The following ACBD5 variants were observed in gnomAD, a reference collection of about 807,000 sequenced individuals.
ACBD5 encodes acyl-CoA-binding domain-containing protein 5.
ACBD5 carries 40 observed loss-of-function variants against 71.8 expected under a neutral mutation model. The observed-to-expected ratio is 0.56, with a 90% CI of 0.43 to 0.72. The LOEUF (loss-of-function observed/expected upper bound fraction) is 0.72, where lower values mean the gene tolerates loss of function less well. Ranked by LOEUF, ACBD5 falls within the 30% of genes least tolerant of loss-of-function variation. The pLI is 0.00. For missense variants in ACBD5, 559 were observed against 644.5 expected (o/e 0.87, Z 1.44); for synonymous variants, 229 against 218.6 (o/e 1.05, Z -0.42).
chr10:27,203,116 A>G (rs1172837355), intron 12 of ACBD5, among the ~76,000 whole-genome samples: 1 of 151,536 alleles, frequency 6.6e-6, no homozygotes, highest in East Asian at 1.9e-4. Flanking sequence ...CTGGGACTAG[A>G]GGTGTGCACC....
intron 6 of ACBD5, among the ~76,000 whole-genome samples, chr10:27,218,522 G>C (rs1408592171): frequency 6.6e-6 from 1 of 152,000 alleles, no homozygotes; most frequent in Non-Finnish European, 1.5e-5. Flanking sequence ...CTGATAAAAA[G>C]GATCCTTAAA....
intron 8 of ACBD5, among the ~76,000 whole-genome samples, chr10:27,213,864 A>G (rs2061361411): frequency 6.6e-6 from 1 of 152,030 alleles, no homozygotes; most frequent in East Asian, 1.9e-4. Context: ...AGATATCAGC[A>G]CTCCCATGTT....
chr10:27,224,177 G>A (rs10829216), intron 4 of ACBD5, among the ~76,000 whole-genome samples: 9,921 of 149,230 alleles, frequency 0.066, 636 homozygotes, highest in African/African-American at 0.16. Context: ...ACTTGCCTGG[G>A]CAACATAGTA....
intron 7 of ACBD5, among the ~76,000 whole-genome samples, chr10:27,216,575 CT>C (rs1361898744): frequency 1.3e-5 from 2 of 152,184 alleles, no homozygotes; most frequent in East Asian, 1.9e-4. Context: ...TGTGCCTGAC[CT>C]TTGTTCCATT....
In ACBD5 at chr10:27,231,741, T is replaced by C. The variant is rs761658477; in HGVS notation, c.375+7A>G. 3 of 1,613,406 alleles carry C rather than the reference T, an allele frequency of 1.9e-6. No homozygotes were observed. Among genetic ancestry groups the C allele is most frequent in the Non-Finnish European group, 1.7e-6 (2 of 1,179,650 alleles). The stretch of plus-strand genomic sequence containing the variant: ...TTTTCATTTTAACTGTGAATTATTT[T>C]CCCTACCTTTTTCATTTCTTCAACA... On this transcript the variant is annotated splice_region_variant and intron_variant, in intron 4 of 12. Coordinates refer to ENST00000396271, the MANE Select transcript of ACBD5 (RefSeq NM_145698.5).
chr10:27,183,188 C>T (rs2058427017), intron 13 of ACBD5, among the ~76,000 whole-genome samples: 1 of 152,134 alleles, frequency 6.6e-6, no homozygotes, highest in South Asian at 2.1e-4. Flanking sequence ...ATATACCACT[C>T]AGTAGTTTTC....
intron 13 of ACBD5, among the ~76,000 whole-genome samples, chr10:27,183,273 T>C (rs1275740140): frequency 4.5e-5 from 1 of 22,392 alleles, no homozygotes; most frequent in African/African-American, 5.8e-5. Flanking sequence ...AATTCTTTTG[T>C]TGTTGTTGTT....
In ACBD5 at chr10:27,233,783, G is replaced by A. The variant is rs1348574173; in HGVS notation, c.302+1309C>T. 2.6e-5 allele frequency among the ~76,000 whole-genome samples: 4 copies of A among 152,258 alleles called. No individual in the cohort carries two copies. In the East Asian group the frequency reaches 5.8e-4, roughly 22 times the overall value. ...GGGGCGGGAGCGGGGGGTGGCTCAC[G>A]CCTATAATCCCACCACTTTGGGAGG... On this transcript the variant is annotated intron_variant, in intron 3 of 12. Coordinates refer to ENST00000396271, the MANE Select transcript of ACBD5 (RefSeq NM_145698.5).
At chr10:27,235,592 T>G (rs1302963346) in intron 2 of ACBD5, among the ~76,000 whole-genome samples, 1 of 152,214 alleles carries the variant, frequency 6.6e-6, no homozygotes, top group African/African-American at 2.4e-5. Context: ...AAATCAAAAC[T>G]GACTAGTGTA....
chr10:27,205,044 G>A (rs998013856), intron 11 of ACBD5, among the ~76,000 whole-genome samples, 154 bp downstream of exon 11: 12 of 152,050 alleles, frequency 7.9e-5, no homozygotes, highest in South Asian at 4.2e-4. Context: ...GGAGAATGGC[G>A]TGAACCCAGG....
chr10:27,228,815 A>ATATTTTTTTTTTTTTTTT (rs1554856598), intron 4 of ACBD5, among the ~76,000 whole-genome samples: 3 of 20,362 alleles, frequency 1.5e-4, no homozygotes, highest in Non-Finnish European at 3.8e-4. Context: ...ATATATATAT[A>ATATTTTTTTTTTTTTTTT]TTTTTTTTTT....
At position 27,210,970 on chromosome 10, in the gene ACBD5, C is replaced by T; in HGVS notation, c.1048G>A (p.Gly350Arg). 6.2e-7 allele frequency: 1 copy of T among 1,614,092 alleles called. No individual in the cohort carries two copies. The highest frequency in any genetic ancestry group is 8.5e-7 in the Non-Finnish European group (1 of 1,180,032). The stretch of plus-strand genomic sequence containing the variant: ...TGCATATTCCCAATGTTGCCATTTC[C>T]AGGAGGTACTTGAATATCTTCACGA... ...GFREDIQVPP[G>R]NGNIGNMQVV... Residue 350 changes from glycine to arginine, a missense_variant, in exon 9 of 13, where the codon GGA becomes AGA. Coordinates refer to ENST00000396271, the MANE Select transcript of ACBD5 (RefSeq NM_145698.5).
Position 27,196,686 on chromosome 10 carries a change from A to G in ACBD5, c.*744T>C. 1 of 454,544 alleles carries G rather than the reference A, an allele frequency of 2.2e-6. No homozygotes were observed. Among genetic ancestry groups the G allele is most frequent in the Non-Finnish European group, 4.4e-6 (1 of 226,782 alleles). 28.2% of individuals were successfully genotyped at this position (454,544 alleles called of 1,614,324 possible). On this transcript the variant is annotated 3_prime_UTR_variant, in exon 13 of 13. Transcript: ENST00000396271. ...ACAAAGGAATACATTTATATGATTG[A>G]ATAAAAACCTGATTAATCATCTACA... is the stretch of plus-strand genomic sequence containing the variant.
chr10:27,232,307 T>C (rs914542782), intron 3 of ACBD5: 1 of 150,652 alleles, frequency 6.6e-6, no homozygotes, highest in African/African-American at 2.5e-5. Context: ...CTAAAAGAGC[T>C]GTAACACTCA....
intron 11 of ACBD5, 30 bp downstream of exon 11, chr10:27,205,168 G>A (rs780474898): frequency 1.3e-6 from 2 of 1,595,610 alleles, no homozygotes; most frequent in South Asian, 1.1e-5. Context: ...ATGAAACCCT[G>A]GCATTTAAAT....
intron 5 of ACBD5, chr10:27,223,063 TATA>T (rs2062557194): frequency 3.1e-6 from 2 of 641,168 alleles, no homozygotes; most frequent in South Asian, 1.9e-5. Context: ...TTTAAGGGTT[TATA>T]ATGTTTTGGA....
At chr10:27,224,464 C>T (rs2062756264) in intron 4 of ACBD5, among the ~76,000 whole-genome samples, 2 of 152,218 alleles carry the variant, frequency 1.3e-5, no homozygotes, top group South Asian at 2.1e-4. Flanking sequence ...ATTATGATGT[C>T]TGTTCTTTAA....
rs1343801167 is a variant in ACBD5 at position 27,240,116 on chromosome 10, G to T, written c.181+203C>A. Among the ~76,000 whole-genome samples, 2 of 152,242 alleles carry T rather than the reference G, an allele frequency of 1.3e-5. No individual in the cohort carries two copies. Among genetic ancestry groups the T allele is most frequent in the East Asian group, 1.9e-4 (1 of 5,194 alleles). ...ACAAGACTTTTGTTTTCAACAATAT[G>T]AAGTACTTAAAATCTGGATATTAGA... is the stretch of plus-strand genomic sequence containing the variant. On this transcript the variant is annotated intron_variant, in intron 2 of 12. Transcript: ENST00000396271. The surrounding 1 kb of genome is among the most constrained non-coding windows in gnomAD (Gnocchi z 4.1).
At chr10:27,194,427 A>G (rs788228), downstream of ACBD5, among the ~76,000 whole-genome samples, 27,315 of 150,304 alleles carry the variant, frequency 0.18, 3,033 homozygotes, top group East Asian at 0.29. Context: ...CCTAGCCAAC[A>G]TGGCAAAACC....
Sources: gnomAD v4.1 joint callset for allele counts (sites outside exome capture counted in the v4.1 genomes callset) on GRCh38, gnomAD v4.1.1 for gene constraint, Gnocchi (gnomAD v3.1) non-coding constraint, MANE v1.5 for transcripts, NCBI Gene and HGNC (gene_info 2026-07-23, HGNC 2026-07-21) for gene names.